The following ADCY1 variants were observed in gnomAD, a reference collection of about 807,000 sequenced individuals.
The protein encoded by ADCY1 is adenylate cyclase type 1.
ADCY1 carries 28 observed loss-of-function variants against 105.4 expected under a neutral mutation model. That is an observed-to-expected ratio of 0.27 (90% CI 0.20 to 0.36). The LOEUF is 0.36. Among genes scored for constraint, ADCY1 ranks in the 10% least tolerant of loss-of-function variants. The probability of loss-of-function intolerance (pLI) is 1.00; values close to 1 mark genes in which losing one functional copy is unlikely to be tolerated. For missense variants in ADCY1, 977 were observed against 1,434.2 expected (o/e 0.68, Z 5.15); for synonymous variants, 655 against 623.8 (o/e 1.05, Z -0.75).
At chr7:45,671,055 T>G (rs1784356286) in intron 8 of ADCY1, among the ~76,000 whole-genome samples, 1 of 152,232 alleles carries the variant, frequency 6.6e-6, no homozygotes, top group Admixed American at 6.5e-5. Context: ...GAAAAGCTGC[T>G]GGGCGCAGCA....
At chr7:45,622,912 C>G (rs562395632) in intron 4 of ADCY1, among the ~76,000 whole-genome samples, 169 bp downstream of exon 4, 2 of 152,334 alleles carry the variant, frequency 1.3e-5, no homozygotes, top group African/African-American at 4.8e-5. Context: ...TTCATTGATT[C>G]CTTTCCTTGA....
At chr7:45,620,241 G>A (rs1793854326) in intron 3 of ADCY1, among the ~76,000 whole-genome samples, 1 of 152,162 alleles carries the variant, frequency 6.6e-6, no homozygotes, top group Admixed American at 6.5e-5. Flanking sequence ...GGGTCTTGGG[G>A]GAGGAAGAAA....
At chr7:45,632,875 T>C (rs2115979347) in intron 4 of ADCY1, among the ~76,000 whole-genome samples, 1 of 152,254 alleles carries the variant, frequency 6.6e-6, no homozygotes, top group East Asian at 1.9e-4. Context: ...TCGGCCAATG[T>C]ATATGTGTTT....
intron 1 of ADCY1, among the ~76,000 whole-genome samples, chr7:45,585,164 C>T (rs952160871): frequency 1.3e-5 from 2 of 152,270 alleles, no homozygotes; most frequent in East Asian, 1.9e-4. Flanking sequence ...CTGAAACAAC[C>T]GTGGCCTCAA....
intron 4 of ADCY1, among the ~76,000 whole-genome samples, chr7:45,633,419 T>C (rs546239552): frequency 6.6e-6 from 1 of 152,324 alleles, no homozygotes; most frequent in Admixed American, 6.5e-5. Flanking sequence ...CTAGAAATAT[T>C]GAAAACATTA....
chr7:45,617,713 C>T (rs1324947902), intron 3 of ADCY1, among the ~76,000 whole-genome samples: 2 of 151,994 alleles, frequency 1.3e-5, no homozygotes, highest in African/African-American at 4.8e-5. Flanking sequence ...AACTATAAAA[C>T]AATGATGAAA....
At chr7:45,706,765 A>T (rs1785129227) in intron 17 of ADCY1, among the ~76,000 whole-genome samples, 1 of 152,202 alleles carries the variant, frequency 6.6e-6, no homozygotes, top group Non-Finnish European at 1.5e-5. Flanking sequence ...GAGAATGAAA[A>T]GTCAAGTCAC....
chr7:45,576,278 C>T (rs1289034334), intron 1 of ADCY1, among the ~76,000 whole-genome samples: 4 of 152,078 alleles, frequency 2.6e-5, no homozygotes, highest in African/African-American at 7.2e-5. Flanking sequence ...ACAGCCCGGC[C>T]CCGGGGGACC....
At chr7:45,691,479 A>G (rs1279511341) in intron 14 of ADCY1, among the ~76,000 whole-genome samples, 1 of 152,224 alleles carries the variant, frequency 6.6e-6, no homozygotes, top group Non-Finnish European at 1.5e-5. Context: ...TGCCAGGCCA[A>G]ACACTAGGTA....
intron 4 of ADCY1, among the ~76,000 whole-genome samples, chr7:45,631,934 G>A (rs1339623789): frequency 6.6e-6 from 1 of 152,122 alleles, no homozygotes; most frequent in African/African-American, 2.4e-5. Context: ...GGGTTTTATA[G>A]TTTGAGGTTT....
At chr7:45,665,683 AT>A (rs1364928990) in intron 8 of ADCY1, among the ~76,000 whole-genome samples, 1 of 152,214 alleles carries the variant, frequency 6.6e-6, no homozygotes, top group African/African-American at 2.4e-5. Flanking sequence ...GTTAATGCAA[AT>A]AGAAGTTTAT....
chr7:45,669,831 T>A (rs1242129982), intron 8 of ADCY1, among the ~76,000 whole-genome samples: 1 of 152,206 alleles, frequency 6.6e-6, no homozygotes, highest in Non-Finnish European at 1.5e-5. Flanking sequence ...TTCTGTTGCA[T>A]TTTTTTGATC....
chr7:45,612,762 T>C (rs1793625031), intron 3 of ADCY1, among the ~76,000 whole-genome samples: 1 of 152,206 alleles, frequency 6.6e-6, no homozygotes, highest in African/African-American at 2.4e-5. Flanking sequence ...AACAAGCCTC[T>C]ATCTCTCCCC....
intron 17 of ADCY1, among the ~76,000 whole-genome samples, chr7:45,705,567 C>A (rs554654785): frequency 2.0e-5 from 3 of 152,140 alleles, no homozygotes; most frequent in African/African-American, 7.2e-5. Context: ...CAATAGAAGA[C>A]AACACCTCAG....
rs757548801 is a variant in ADCY1 at position 45,715,476 on chromosome 7, C to T, written c.*1481C>T. 6 of 152,346 alleles carry T rather than the reference C, an allele frequency of 3.9e-5. No individual in the cohort carries two copies. The highest frequency in any genetic ancestry group is 8.8e-5 in the Non-Finnish European group (6 of 68,170). 9.4% of individuals were successfully genotyped at this position (152,346 alleles called of 1,614,324 possible). Reference sequence around the variant, plus strand: ...AGCTGTAACCCTTTCCTGAGGGCCCCGACTTTTCAGAATAGGAGCAGAGAG... The same window carrying T: ...AGCTGTAACCCTTTCCTGAGGGCCCTGACTTTTCAGAATAGGAGCAGAGAG... On this transcript the variant is annotated 3_prime_UTR_variant, in exon 20 of 20. Transcript: ENST00000297323.
chr7:45,588,343 A>G (rs2115753538), intron 1 of ADCY1, among the ~76,000 whole-genome samples: 1 of 152,238 alleles, frequency 6.6e-6, no homozygotes, highest in South Asian at 2.1e-4. Context: ...TGAGCCCAAG[A>G]ATCAGTCATT....
intron 5 of ADCY1, among the ~76,000 whole-genome samples, chr7:45,652,622 G>A (rs541475610): frequency 2.6e-5 from 4 of 152,328 alleles, no homozygotes; most frequent in Admixed American, 6.5e-5. Flanking sequence ...GGCCTCCCAC[G>A]CCTAGCATCT....
At chr7:45,704,267 C>T (rs929260775) in intron 16 of ADCY1, among the ~76,000 whole-genome samples, 7 of 152,264 alleles carry the variant, frequency 4.6e-5, no homozygotes, top group African/African-American at 1.7e-4. Flanking sequence ...AGCCCCACCA[C>T]GCCTTGTCAT....
intron 1 of ADCY1, among the ~76,000 whole-genome samples, chr7:45,581,689 C>A (rs1470855875): frequency 6.6e-6 from 1 of 152,212 alleles, no homozygotes; most frequent in African/African-American, 2.4e-5. Context: ...CGACCACAGG[C>A]TCCTCCCTTT....
Sources: gnomAD v4.1 joint callset for allele counts (sites outside exome capture counted in the v4.1 genomes callset) on GRCh38, gnomAD v4.1.1 for gene constraint, MANE v1.5 for transcripts, NCBI Gene and HGNC (gene_info 2026-07-23, HGNC 2026-07-21) for gene names.